Variants in SHISA9 observed in about 807,000 individuals in gnomAD.
SHISA9 encodes protein shisa-9.
In SHISA9, 13 loss-of-function variants were observed where a neutral mutation model predicts 38.0. The observed-to-expected ratio is 0.34, with a 90% CI of 0.22 to 0.54. SHISA9 has a LOEUF of 0.54. Among genes scored for constraint, SHISA9 ranks in the 20% least tolerant of loss-of-function variants. SHISA9 has a pLI of 0.91. For synonymous variants in SHISA9, 275 were observed against 242.0 expected (o/e 1.14, Z -1.27); for missense variants, 538 against 575.8 (o/e 0.93, Z 0.67).
the SHISA9 span, among the ~76,000 whole-genome samples, chr16:13,506,879 T>C: frequency 3.3e-5 from 5 of 151,798 alleles, no homozygotes; most frequent in Non-Finnish European, 5.9e-5. Flanking sequence ...TATTAAAAAT[T>C]TTGTTAATAA....
In SHISA9 at chr16:13,051,717, A is replaced by G. The variant is rs559910580; in HGVS notation, c.691+134902A>G. On this transcript the variant is annotated intron_variant, in intron 2 of 4. Transcript: ENST00000558583. ...TCAAGACTACCTTGAATCAGAGCCC[A>G]ATTTGCTTTCAATTACTCCCCTGTA... is the stretch of plus-strand genomic sequence containing the variant. Among the ~76,000 whole-genome samples, 4 of 152,220 alleles carry G rather than the reference A, an allele frequency of 2.6e-5. No individual in the cohort carries two copies. In the East Asian group the frequency reaches 5.8e-4, roughly 22 times the overall value.
chr16:13,107,514 C>G (rs190809747), intron 2 of SHISA9, among the ~76,000 whole-genome samples: 2,993 of 136,948 alleles, frequency 0.022, 52 homozygotes, highest in Admixed American at 0.053. Context: ...CACACACACA[C>G]AGAGTTAACT....
At chr16:13,073,032 C>T (rs1486654129) in intron 2 of SHISA9, among the ~76,000 whole-genome samples, 1 of 152,130 alleles carries the variant, frequency 6.6e-6, no homozygotes, top group African/African-American at 2.4e-5. Context: ...CTTGAGTGAT[C>T]CTCCTGTCTT....
chr16:13,543,911 T>C, the SHISA9 span, among the ~76,000 whole-genome samples: 1 of 152,286 alleles, frequency 6.6e-6, no homozygotes, highest in Admixed American at 6.5e-5. Context: ...TTTTTCTGGG[T>C]AACTCTTGCT....
intron 2 of SHISA9, among the ~76,000 whole-genome samples, chr16:13,015,878 C>CTTTCTTTCTTTCTT (rs1392406074): frequency 8.9e-6 from 1 of 111,766 alleles, no homozygotes; most frequent in Admixed American, 9.0e-5. Flanking sequence ...TTCTTTCTTT[C>CTTTCTTTCTTTCTT]TTTCTTTCTT....
At chr16:13,384,829 C>T in the SHISA9 span, among the ~76,000 whole-genome samples, 8 of 152,194 alleles carry the variant, frequency 5.3e-5, no homozygotes, top group South Asian at 1.5e-3. Context: ...GAGGGTAAAT[C>T]CATCCAAATT....
At chr16:13,345,891 T>G in the SHISA9 span, among the ~76,000 whole-genome samples, 1 of 152,208 alleles carries the variant, frequency 6.6e-6, no homozygotes, top group South Asian at 2.1e-4. Context: ...TGGCCTCATA[T>G]ATGTCTTCTT....
chr16:13,472,100 A>G, the SHISA9 span, among the ~76,000 whole-genome samples: 1 of 152,172 alleles, frequency 6.6e-6, no homozygotes, highest in Non-Finnish European at 1.5e-5. Context: ...CTGTGTTTTC[A>G]TTCCCTGTTC....
intron 2 of SHISA9, among the ~76,000 whole-genome samples, chr16:13,030,805 A>G (rs1056705771): frequency 6.6e-6 from 1 of 152,224 alleles, no homozygotes; most frequent in Admixed American, 6.5e-5. Context: ...GTCAAATTCT[A>G]CAAAAGCATT....
intron 2 of SHISA9, among the ~76,000 whole-genome samples, chr16:13,198,236 A>G (rs1203646305): frequency 1.4e-5 from 2 of 146,758 alleles, no homozygotes; most frequent in African/African-American, 2.5e-5. Context: ...ACTTGTGTGT[A>G]TATGCATACA....
At chr16:13,341,563 C>T in the SHISA9 span, among the ~76,000 whole-genome samples, 1 of 152,168 alleles carries the variant, frequency 6.6e-6, no homozygotes, top group Non-Finnish European at 1.5e-5. Flanking sequence ...TTTATACCTG[C>T]TGTTATTTCT....
At chr16:13,120,220 C>T (rs566384903) in intron 2 of SHISA9, among the ~76,000 whole-genome samples, 3 of 152,260 alleles carry the variant, frequency 2.0e-5, no homozygotes, top group Admixed American at 6.5e-5. Flanking sequence ...CTAGTTTGAA[C>T]GCAGAGTTAC....
the SHISA9 span, among the ~76,000 whole-genome samples, chr16:13,314,866 A>G: frequency 1.0e-3 from 156 of 152,332 alleles, no homozygotes; most frequent in Non-Finnish European, 1.7e-3. Context: ...TAAATTTTCA[A>G]TTATGCAGGA....
At chr16:12,992,911 T>C (rs1454969283) in intron 2 of SHISA9, among the ~76,000 whole-genome samples, 1 of 152,240 alleles carries the variant, frequency 6.6e-6, no homozygotes, top group Non-Finnish European at 1.5e-5. Context: ...ATGAGGTAGA[T>C]ACTAGTATTA....
chr16:13,191,227 T>C (rs191096466), intron 2 of SHISA9, among the ~76,000 whole-genome samples: 5 of 152,326 alleles, frequency 3.3e-5, no homozygotes, highest in Admixed American at 3.3e-4. Context: ...GAATGTCTAT[T>C]CTCCTTTTTT....
the SHISA9 span, among the ~76,000 whole-genome samples, chr16:13,301,198 A>G: frequency 6.6e-6 from 1 of 152,172 alleles, no homozygotes; most frequent in Non-Finnish European, 1.5e-5. Context: ...GGGTCTGCTG[A>G]GGCCAGACAG....
chr16:13,169,467 A>G (rs1314759057), intron 2 of SHISA9, among the ~76,000 whole-genome samples: 1 of 152,208 alleles, frequency 6.6e-6, no homozygotes, highest in African/African-American at 2.4e-5. Context: ...GGTATTAATT[A>G]GAGAGATAGA....
chr16:13,079,920 A>G (rs369803609), intron 2 of SHISA9, among the ~76,000 whole-genome samples: 17 of 152,284 alleles, frequency 1.1e-4, no homozygotes, highest in African/African-American at 3.8e-4. Flanking sequence ...TTAACACTAC[A>G]CATTAGTGTT....
chr16:12,930,905 A>G (rs942846633), intron 2 of SHISA9, among the ~76,000 whole-genome samples: 1 of 152,186 alleles, frequency 6.6e-6, no homozygotes, highest in South Asian at 2.1e-4. Context: ...TAATAAGGCA[A>G]TCATCCAATG....
Sources: gnomAD v4.1 joint callset for allele counts (sites outside exome capture counted in the v4.1 genomes callset) on GRCh38, gnomAD v4.1.1 for gene constraint, MANE v1.5 for transcripts, NCBI Gene and HGNC (gene_info 2026-07-23, HGNC 2026-07-21) for gene names.